The following NKAIN2 variants were observed in gnomAD, a reference collection of about 807,000 sequenced individuals.
NKAIN2 encodes sodium/potassium-transporting ATPase subunit beta-1-interacting protein 2.
A neutral mutation model predicts 32.6 loss-of-function variants in NKAIN2; 14 were observed. That is an observed-to-expected ratio of 0.43 (90% confidence interval 0.28 to 0.67). The LOEUF is 0.67. Ranked by LOEUF, NKAIN2 falls within the 30% of genes least tolerant of loss-of-function variation. NKAIN2 has a pLI of 0.17. For missense variants in NKAIN2, 198 were observed against 258.3 expected, an observed-to-expected ratio of 0.77 and a Z score of 1.60; for synonymous variants, 80 against 87.2, an observed-to-expected ratio of 0.92 and a Z score of 0.46.
rs181006133 is a variant in NKAIN2 at position 124,674,873 on chromosome 6, G to A, written c.474+16487G>A. 7.1e-3 allele frequency among the ~76,000 whole-genome samples: 1,075 copies of A among 151,966 alleles called. 19 individuals carry two copies. The highest frequency in any genetic ancestry group is 0.025 in the African/African-American group (1,033 of 41,508). On this transcript the variant is annotated intron_variant, in intron 4 of 6. Coordinates refer to ENST00000368417, the MANE Select transcript of NKAIN2 (RefSeq NM_001040214.3). ...TTTCTCTTGCCTAATTTATCTTGGT[G>A]AGGACTTCCAATACAATGTTGAATA...
chr6:124,398,166 T>A (rs1773470468), intron 3 of NKAIN2, among the ~76,000 whole-genome samples: 1 of 142,052 alleles, frequency 7.0e-6, no homozygotes, highest in Non-Finnish European at 1.5e-5. Flanking sequence ...GGCAGGAGAA[T>A]GGCCTGAACC....
intron 1 of NKAIN2, among the ~76,000 whole-genome samples, chr6:124,162,534 A>T (rs1208109494): frequency 6.6e-6 from 1 of 152,138 alleles, no homozygotes; most frequent in Non-Finnish European, 1.5e-5. Context: ...GCTGGATGAC[A>T]GCTGTAAATA....
chr6:123,905,178 T>C (rs1774802764), intron 1 of NKAIN2, among the ~76,000 whole-genome samples: 1 of 152,068 alleles, frequency 6.6e-6, no homozygotes, highest in South Asian at 2.1e-4. Context: ...TCATGGCAGA[T>C]GCTGGCAGAA....
chr6:124,601,358 C>T (rs934704898), intron 3 of NKAIN2, among the ~76,000 whole-genome samples: 2 of 152,050 alleles, frequency 1.3e-5, no homozygotes, highest in Admixed American at 6.6e-5. Context: ...CTGCCTATTG[C>T]GTACACAATT....
chr6:124,235,592 TTTTTTTGTTG>T (rs1562441293), intron 1 of NKAIN2, among the ~76,000 whole-genome samples: 1 of 112,134 alleles, frequency 8.9e-6, no homozygotes, highest in African/African-American at 2.8e-5. Context: ...TTTGTTTTTG[TTTTTTTGTTG>T]TTTTTTTTTT....
At chr6:124,202,279 G>GCT (rs1418655726) in intron 1 of NKAIN2, among the ~76,000 whole-genome samples, 1 of 151,886 alleles carries the variant, frequency 6.6e-6, no homozygotes, top group African/African-American at 2.4e-5. Flanking sequence ...TAACATATCA[G>GCT]CTCTGCTGTG....
intron 1 of NKAIN2, among the ~76,000 whole-genome samples, chr6:124,073,498 G>A (rs897331165): frequency 1.3e-5 from 2 of 151,986 alleles, no homozygotes; most frequent in Admixed American, 1.3e-4. Context: ...CTGTTTCTTG[G>A]AGTGACTCTA....
intron 1 of NKAIN2, among the ~76,000 whole-genome samples, chr6:124,087,352 A>G (rs879878983): frequency 6.6e-6 from 1 of 151,962 alleles, no homozygotes; most frequent in Non-Finnish European, 1.5e-5. Flanking sequence ...CTTTTTCACT[A>G]ATATCAGAAA....
chr6:124,404,906 G>A (rs1215896322), intron 3 of NKAIN2, among the ~76,000 whole-genome samples: 1 of 152,044 alleles, frequency 6.6e-6, no homozygotes, highest in African/African-American at 2.4e-5. Flanking sequence ...CATGTAGTCT[G>A]TATCTTCCCA....
chr6:124,425,110 GA>G (rs760501199), intron 3 of NKAIN2, among the ~76,000 whole-genome samples: 3 of 152,066 alleles, frequency 2.0e-5, no homozygotes, highest in Non-Finnish European at 4.4e-5. Flanking sequence ...ACAATCTTTG[GA>G]AAATCCAATC....
intron 4 of NKAIN2, among the ~76,000 whole-genome samples, chr6:124,659,744 CTG>C (rs1784678289): frequency 3.3e-5 from 5 of 151,956 alleles, no homozygotes; most frequent in Non-Finnish European, 7.4e-5. Flanking sequence ...ACACATGCTT[CTG>C]CTTGGGAGGA....
intron 3 of NKAIN2, among the ~76,000 whole-genome samples, chr6:124,476,967 G>A (rs1777242732): frequency 6.6e-6 from 1 of 152,260 alleles, no homozygotes; most frequent in African/African-American, 2.4e-5. Flanking sequence ...CTTAATCAAA[G>A]TGTCACCCTT....
chr6:124,759,718 G>T (rs1045940036), intron 4 of NKAIN2, among the ~76,000 whole-genome samples: 1 of 148,986 alleles, frequency 6.7e-6, no homozygotes, highest in Non-Finnish European at 1.5e-5. Flanking sequence ...ACACTGCAAT[G>T]GTCTAAATGT....
At chr6:124,691,870 T>A (rs1310094931) in intron 4 of NKAIN2, among the ~76,000 whole-genome samples, 2 of 152,190 alleles carry the variant, frequency 1.3e-5, no homozygotes, top group Admixed American at 6.5e-5. Flanking sequence ...GAAATATACT[T>A]TACAATATAG....
chr6:124,025,172 A>T (rs1781048335), intron 1 of NKAIN2, among the ~76,000 whole-genome samples: 1 of 152,170 alleles, frequency 6.6e-6, no homozygotes. Flanking sequence ...CAATTATTTG[A>T]TAAGGTTATT....
rs150099554 is a variant in NKAIN2, at chr6:123,962,683, C to T, written c.54+158429C>T. On this transcript the variant is annotated intron_variant, in intron 1 of 6. Transcript: ENST00000368417. ...AGCCTTCCAGTGCAGCATGACTCAG[C>T]GGATTTGCAGCACAGGTGCACAACC... Among the ~76,000 whole-genome samples the T allele has an allele frequency of 1.1e-3, 173 of 152,234 alleles. No individual in the cohort carries two copies. The East Asian group carries it at 0.028, about 25-fold the overall frequency.
At position 124,089,714 on chromosome 6, in the gene NKAIN2, A is replaced by G. The variant is rs75879488; in HGVS notation, c.55-193291A>G. ...TTGTTCATTTGTCTGGATTTTATTC[A>G]TACACAATTAGCATATTCCATGAAA... On this transcript the variant is annotated intron_variant, in intron 1 of 6. Transcript: ENST00000368417. 1.4e-3 allele frequency among the ~76,000 whole-genome samples: 219 copies of G among 152,110 alleles called. 2 individuals are homozygous for G. Among genetic ancestry groups the G allele is most frequent in the African/African-American group, 5.0e-3 (208 of 41,552 alleles).
chr6:124,033,191 A>ACATTTGTACAAATGTACAAAT (rs1781477125), intron 1 of NKAIN2, among the ~76,000 whole-genome samples: 1 of 152,146 alleles, frequency 6.6e-6, no homozygotes, highest in African/African-American at 2.4e-5. Flanking sequence ...AATGTACAGG[A>ACATTTGTACAAATGTACAAAT]GTAACATATT....
intron 1 of NKAIN2, among the ~76,000 whole-genome samples, chr6:123,877,072 G>A (rs1773202341): frequency 6.6e-6 from 1 of 151,962 alleles, no homozygotes; most frequent in Non-Finnish European, 1.5e-5. Flanking sequence ...AAAATTTCTA[G>A]AAAATTATAA....
Sources: gnomAD v4.1 joint callset for allele counts (sites outside exome capture counted in the v4.1 genomes callset) on GRCh38, gnomAD v4.1.1 for gene constraint, MANE v1.5 for transcripts, NCBI Gene and HGNC (gene_info 2026-07-23, HGNC 2026-07-21) for gene names.